Variants in STT3B observed in about 807,000 individuals in gnomAD.
The protein encoded by STT3B is dolichyl-diphosphooligosaccharide--protein glycosyltransferase subunit STT3B.
A neutral mutation model predicts 96.8 loss-of-function variants in STT3B; 29 were observed. The ratio of observed to expected loss-of-function variants is 0.30; its 90% CI spans 0.22 to 0.41. The LOEUF is 0.41. STT3B is among the 10% of genes least tolerant of loss of function. The pLI, the probability that STT3B is intolerant of heterozygous loss-of-function variation, is 1.00. For synonymous variants in STT3B, 367 were observed against 360.0 expected (o/e 1.02, Z -0.22); for missense variants, 640 against 1,022.3 (o/e 0.63, Z 5.10).
intron 13 of STT3B, 85 bp from the exon 14 acceptor site, chr3:31,629,213 T>G (rs1056923810): frequency 1.9e-5 from 15 of 776,964 alleles, no homozygotes; most frequent in Non-Finnish European, 3.3e-5. Context: ...AGAAGCTTAT[T>G]CTTACAGGGA....
chr3:31,570,274 G>A (rs1483273963), intron 1 of STT3B, among the ~76,000 whole-genome samples: 4 of 152,164 alleles, frequency 2.6e-5, no homozygotes. Flanking sequence ...AACCTCATGA[G>A]TGAACTGCCA....
At chr3:31,606,049 T>A (rs1262704548) in intron 5 of STT3B, among the ~76,000 whole-genome samples, 2 of 152,222 alleles carry the variant, frequency 1.3e-5, no homozygotes, top group Non-Finnish European at 2.9e-5. Context: ...CCCTAGAGAT[T>A]TGTGGAACTT....
Position 31,629,291 on chromosome 3 carries a change from C to G in STT3B, c.2074-7C>G, listed in dbSNP as rs1381831712. On this transcript the variant is annotated splice_region_variant and splice_polypyrimidine_tract_variant and intron_variant, in intron 13 of 15. Transcript: ENST00000295770. ...CTAACATAGAACTTGTGGTTTCTTT[C>G]TTGTAGGAAAGTGACTATTTTACCC... 6.5e-7 allele frequency: 1 copy of G among 1,530,326 alleles called. No individual in the cohort carries two copies. Among genetic ancestry groups the G allele is most frequent in the Non-Finnish European group, 9.0e-7 (1 of 1,108,792 alleles). 94.8% of individuals were successfully genotyped at this position (1,530,326 alleles called of 1,614,324 possible). A position where few individuals can be genotyped will look rare whatever the true frequency, so the allele number is the denominator to read the frequency against.
intron 3 of STT3B, among the ~76,000 whole-genome samples, chr3:31,595,463 G>T (rs1236197172): frequency 1.3e-5 from 2 of 151,978 alleles, no homozygotes; most frequent in Admixed American, 1.3e-4. Context: ...TAATTCTTCA[G>T]TGCCTGCTTT....
At chr3:31,570,425 A>G (rs80235431) in intron 1 of STT3B, among the ~76,000 whole-genome samples, 1,681 of 152,296 alleles carry the variant, frequency 0.011, 14 homozygotes, top group Non-Finnish European at 0.019. Context: ...ACATTAGAGA[A>G]GACTTCTTAT....
chr3:31,541,063 C>G (rs138185118), intron 1 of STT3B, among the ~76,000 whole-genome samples: 386 of 152,278 alleles, frequency 2.5e-3, no homozygotes, highest in African/African-American at 9.0e-3. Flanking sequence ...AGGCAGCACT[C>G]TTGTACAGTT....
Position 31,622,190 on chromosome 3 carries a change from T to G in STT3B, c.1421T>G (p.Ile474Ser), listed in dbSNP as rs1699445505. The change falls in exon 10 of 16, where the codon ATT becomes AGT. Residue 474 changes from isoleucine to serine, a missense_variant. Around this residue, in one of 8 missense-constraint regions of STT3B, gnomAD observed 149 missense variants for 250.2 expected, o/e 0.60. Coordinates refer to ENST00000295770, the MANE Select transcript of STT3B (RefSeq NM_178862.3). Reference sequence around the variant, plus strand: ...CCAGTCGTGTGTATGCTGTCTGCAATTGCCTTTTCAAATGTTTTTGAGCAC... The same window carrying G: ...CCAGTCGTGTGTATGCTGTCTGCAAGTGCCTTTTCAAATGTTTTTGAGCAC... ...LTPVVCMLSAIAFSNVFEHYL... is the reference protein window; with the variant it reads ...LTPVVCMLSASAFSNVFEHYL... 1 of 1,614,038 alleles carries G rather than the reference T, an allele frequency of 6.2e-7. No individual in the cohort carries two copies. The highest frequency in any genetic ancestry group is 1.7e-5 in the Admixed American group (1 of 60,006).
At chr3:31,566,771 C>G (rs922778445) in intron 1 of STT3B, among the ~76,000 whole-genome samples, 7 of 152,160 alleles carry the variant, frequency 4.6e-5, no homozygotes, top group African/African-American at 7.2e-5. Flanking sequence ...CTTTTCTCCT[C>G]TACTCCCCCC....
intron 1 of STT3B, among the ~76,000 whole-genome samples, chr3:31,564,681 T>G (rs1697959350): frequency 1.3e-5 from 2 of 152,184 alleles, no homozygotes. Context: ...AGGAGACAAA[T>G]CTGTAAATCA....
chr3:31,619,703 T>C lies in STT3B; in HGVS notation c.1200T>C (p.Ile400=). The C allele has an allele frequency of 1.2e-6, 2 of 1,612,694 alleles. No individual in the cohort carries two copies. The highest frequency in any genetic ancestry group is 1.7e-6 in the Non-Finnish European group (2 of 1,179,600). The change falls in exon 9 of 16, where the codon ATT becomes ATC. Residue 400 remains isoleucine, a synonymous_variant. Transcript: ENST00000295770. ...TGYAKIHIPI[I]ASVSEHQPTT... ...ATGCAAAAATACACATTCCAATTAT[T>C]GCATCAGTGTCTGAGCATCAACCTA...
At chr3:31,628,667 C>T (rs1699587273) in intron 13 of STT3B, among the ~76,000 whole-genome samples, 1 of 151,948 alleles carries the variant, frequency 6.6e-6, no homozygotes, top group African/African-American at 2.4e-5. Context: ...TAACATTGTC[C>T]TCCCCAAATA....
chr3:31,636,886 C>T lies in STT3B; in HGVS notation c.*822C>T, dbSNP rs187574930. ...CTGAAGTTAGCACTATGTTTACATGCAAAAGATTAAGGAAAAAACCCTTAA... is the reference window on the plus strand; with the variant it reads ...CTGAAGTTAGCACTATGTTTACATGTAAAAGATTAAGGAAAAAACCCTTAA... On this transcript the variant is annotated 3_prime_UTR_variant, in exon 16 of 16. Coordinates refer to ENST00000295770, the MANE Select transcript of STT3B (RefSeq NM_178862.3). 6.2e-4 allele frequency: 95 copies of T among 152,190 alleles called. No individual in the cohort carries two copies. The highest frequency in any genetic ancestry group is 2.1e-3 in the African/African-American group (89 of 41,512). 9.4% of individuals were successfully genotyped at this position (152,190 alleles called of 1,614,324 possible). A position where few individuals can be genotyped will look rare whatever the true frequency, so the allele number is the denominator to read the frequency against.
chr3:31,593,422 G>T (rs1698711973), intron 3 of STT3B, among the ~76,000 whole-genome samples: 1 of 151,714 alleles, frequency 6.6e-6, no homozygotes, highest in Non-Finnish European at 1.5e-5. Flanking sequence ...TTGTCTAGGT[G>T]TAGTTCTCTG....
chr3:31,614,300 T>C (rs1490707530), intron 5 of STT3B, among the ~76,000 whole-genome samples: 1 of 152,030 alleles, frequency 6.6e-6, no homozygotes, highest in Admixed American at 6.6e-5. Flanking sequence ...AGATGGGCTT[T>C]ATTTCTAATG....
At chr3:31,543,882 G>C (rs1239737560) in intron 1 of STT3B, among the ~76,000 whole-genome samples, 1 of 152,096 alleles carries the variant, frequency 6.6e-6, no homozygotes, top group East Asian at 1.9e-4. Context: ...TCACTAGTTA[G>C]GGAACATTGA....
At chr3:31,581,621 A>G (rs1007043500) in intron 3 of STT3B, among the ~76,000 whole-genome samples, 1 of 152,162 alleles carries the variant, frequency 6.6e-6, no homozygotes, top group Admixed American at 6.5e-5. Context: ...GGATTTATGC[A>G]TCTGTGTTCA....
intron 15 of STT3B, among the ~76,000 whole-genome samples, chr3:31,635,602 A>G (rs754117790): frequency 7.2e-5 from 11 of 152,186 alleles, no homozygotes; most frequent in Admixed American, 4.6e-4. Flanking sequence ...TTTCTGGCAC[A>G]CACCTAATTT....
At chr3:31,576,375 C>A (rs751186820) in intron 1 of STT3B, 21 bp from the exon 2 acceptor site, 5 of 1,431,018 alleles carry the variant, frequency 3.5e-6, no homozygotes, top group Non-Finnish European at 4.8e-6. Flanking sequence ...TATAACATTT[C>A]TTTTTATCTC....
chr3:31,632,623 A>G (rs897313966), intron 14 of STT3B, among the ~76,000 whole-genome samples: 36 of 151,390 alleles, frequency 2.4e-4, no homozygotes, highest in African/African-American at 8.7e-4. Flanking sequence ...CTGTCTGTAT[A>G]CCTATAAAAA....
Sources: gnomAD v4.1 joint callset for allele counts (sites outside exome capture counted in the v4.1 genomes callset) on GRCh38, gnomAD v4.1.1 for gene constraint, gnomAD v4.1.1 regional missense constraint, MANE v1.5 for transcripts, NCBI Gene and HGNC (gene_info 2026-07-23, HGNC 2026-07-21) for gene names.